Variants in BTK observed in about 807,000 individuals in gnomAD.
BTK encodes Bruton tyrosine kinase.
A neutral mutation model predicts 57.4 loss-of-function variants in BTK; 5 were observed. That is an observed-to-expected ratio of 0.09 (90% CI 0.05 to 0.18). The LOEUF (loss-of-function observed/expected upper bound fraction) is 0.18. Among genes scored for constraint, BTK ranks in the 10% least tolerant of loss-of-function variants. The pLI is 1.00. For synonymous variants in BTK, 154 were observed against 174.3 expected (o/e 0.88, Z 0.92); for missense variants, 194 against 501.2 (o/e 0.39, Z 5.85).
intron 1 of BTK, among the ~76,000 whole-genome samples, chrX:101,382,031 CAAA>C (rs576652772): frequency 1.8e-5 from 1 of 54,570 alleles, no homozygotes; most frequent in Non-Finnish European, 3.5e-5. Context: ...GACTCCGTCT[CAAA>C]AAAAAAAAAA....
intron 1 of BTK, among the ~76,000 whole-genome samples, chrX:101,385,170 C>T (rs1927573234): frequency 5.4e-5 from 6 of 111,093 alleles, no homozygotes; most frequent in Admixed American, 4.8e-4. Flanking sequence ...TGCAATTCGG[C>T]AATTATTTGT....
Position 101,360,614 on chromosome X carries a change from A to G in BTK, c.730T>C (p.Leu244=). ...QLRKGDEYFI[L]EESNLPWWRA... The stretch of plus-strand genomic sequence containing the variant: ...CACCATGGTAAGTTGCTTTCCTCCA[A>G]GATAAAATATTCATCACCCTTCCGC... The change falls in exon 8 of 19, where the codon TTG becomes CTG. Residue 244 remains leucine, a synonymous_variant. Transcript: ENST00000308731. The G allele has an allele frequency of 1.7e-6, 2 of 1,211,740 alleles. No homozygotes were observed. Among genetic ancestry groups the G allele is most frequent in the Non-Finnish European group, 1.1e-6 (1 of 895,540 alleles).
intron 18 of BTK, among the ~76,000 whole-genome samples, chrX:101,352,505 C>G (rs1926323291): frequency 8.9e-6 from 1 of 112,150 alleles, no homozygotes; most frequent in Non-Finnish European, 1.9e-5. Flanking sequence ...TGGTTGATGC[C>G]TCTAATCCCA....
upstream of BTK, chrX:101,390,574 G>C: frequency 1.9e-6 from 1 of 514,458 alleles, no homozygotes; most frequent in Non-Finnish European, 3.5e-6. Flanking sequence ...GGAACAATTG[G>C]CTCCCTCCAG....
intron 1 of BTK, among the ~76,000 whole-genome samples, chrX:101,379,394 C>G (rs1202904386): frequency 9.0e-6 from 1 of 111,453 alleles, no homozygotes; most frequent in African/African-American, 3.3e-5. Context: ...TCTGGCCATT[C>G]CCTGTCTTTC....
At chrX:101,377,524 T>C (rs1555981210) in intron 1 of BTK, among the ~76,000 whole-genome samples, 1 of 111,413 alleles carries the variant, frequency 9.0e-6, no homozygotes, top group African/African-American at 3.3e-5. Flanking sequence ...CAACATTTTA[T>C]CTTTAGTTTT....
chrX:101,376,576 G>A (rs1415643874), intron 1 of BTK, among the ~76,000 whole-genome samples: 13 of 111,415 alleles, frequency 1.2e-4, no homozygotes, highest in African/African-American at 2.0e-4. Flanking sequence ...GCAGTGAGCC[G>A]AGATTGTGCC....
intron 5 of BTK, among the ~76,000 whole-genome samples, chrX:101,366,497 G>C (rs1364043378): frequency 9.0e-6 from 1 of 110,775 alleles, no homozygotes; most frequent in Non-Finnish European, 1.9e-5. Context: ...TTACCCAAGA[G>C]TAGGATAATA....
At chrX:101,364,867 G>A (rs1354913319) in intron 5 of BTK, among the ~76,000 whole-genome samples, 6 of 110,138 alleles carry the variant, frequency 5.4e-5, no homozygotes, top group African/African-American at 1.7e-4. Flanking sequence ...TCAGCCTCCC[G>A]AGTAGCTGGG....
At position 101,353,301 on chromosome X, in the gene BTK, A is replaced by G. The variant is rs782389631; in HGVS notation, c.1801T>C (p.Phe601Leu). Residue 601 changes from phenylalanine (F) to leucine (L), a missense_variant, in exon 18 of 19, where the codon TTT (phenylalanine) becomes CTT (leucine). Phe to Leu is a conservative substitution (Grantham distance 22). This residue lies in a region of BTK where 79 missense variants were observed against 217.7 expected (regional missense o/e 0.36). Coordinates refer to ENST00000308731, the MANE Select transcript of BTK (RefSeq NM_000061.3). ...TGTTCAGCAGTCTCACTGTTAGTAA[A>G]TCTCTCATATGGCATCTTCCCCAGG... Reference protein sequence around the residue: ...YSLGKMPYERFTNSETAEHIA... With the variant: ...YSLGKMPYERLTNSETAEHIA... 8.3e-7 allele frequency: 1 copy of G among 1,208,574 alleles called. No individual in the cohort carries two copies. The highest frequency in any genetic ancestry group is 1.8e-5 in the African/African-American group (1 of 56,968).
intron 1 of BTK, among the ~76,000 whole-genome samples, chrX:101,375,981 G>A (rs1387840140): frequency 9.1e-6 from 1 of 110,494 alleles, no homozygotes; most frequent in Admixed American, 9.7e-5. Context: ...TTTTGGTGGG[G>A]GGGGGGTAGT....
chrX:101,355,559 T>TCGGTGG, intron 15 of BTK: 2 of 132,665 alleles, frequency 1.5e-5, no homozygotes, highest in South Asian at 2.2e-4. Flanking sequence ...GGTGTAGATT[T>TCGGTGG]TCAAGAGAAG....
At chrX:101,368,946 AC>A (rs1926941027) in intron 5 of BTK, among the ~76,000 whole-genome samples, 1 of 111,966 alleles carries the variant, frequency 8.9e-6, no homozygotes, top group African/African-American at 3.2e-5. Flanking sequence ...ACCCAACCAT[AC>A]CATTATCAGT....
intron 18 of BTK, among the ~76,000 whole-genome samples, chrX:101,351,180 G>A (rs1926277040): frequency 9.0e-6 from 1 of 111,297 alleles, no homozygotes; most frequent in Non-Finnish European, 1.9e-5. Context: ...ATTTTTAGTA[G>A]AGACAGGGTT....
At chrX:101,358,067 C>T (rs1926546408) in intron 12 of BTK, 6 of 494,285 alleles carry the variant, frequency 1.2e-5, no homozygotes, top group Non-Finnish European at 1.8e-5. Flanking sequence ...ATGAATCAGT[C>T]ACCAGCCTCT....
upstream of BTK, chrX:101,390,533 A>G (rs1555983086): frequency 6.2e-5 from 32 of 514,228 alleles, no homozygotes; most frequent in Non-Finnish European, 1.0e-5. Flanking sequence ...CATTTGTTGA[A>G]TGGACCAACT....
chrX:101,373,625 C>T (rs1927112210), intron 3 of BTK, among the ~76,000 whole-genome samples: 1 of 111,888 alleles, frequency 8.9e-6, no homozygotes, highest in Non-Finnish European at 1.9e-5. Context: ...CTATGTACAC[C>T]AATATGTTGA....
chrX:101,357,174 A>T (rs1926511691), intron 13 of BTK, among the ~76,000 whole-genome samples: 1 of 112,073 alleles, frequency 8.9e-6, no homozygotes, highest in South Asian at 3.7e-4. Context: ...AAGAAGATAG[A>T]CTAAGCAACC....
upstream of BTK, among the ~76,000 whole-genome samples, chrX:101,388,280 G>C (rs1927683935): frequency 9.0e-6 from 1 of 111,374 alleles, no homozygotes; most frequent in Non-Finnish European, 1.9e-5. Flanking sequence ...AAACAAGAGA[G>C]AGAGAGGAGC....
Sources: gnomAD v4.1 joint callset for allele counts (sites outside exome capture counted in the v4.1 genomes callset) on GRCh38, gnomAD v4.1.1 for gene constraint, gnomAD v4.1.1 regional missense constraint, MANE v1.5 for transcripts, NCBI Gene and HGNC (gene_info 2026-07-23, HGNC 2026-07-21) for gene names.